The following TBPL1 variants were observed in gnomAD, a reference collection of about 807,000 sequenced individuals.
TBPL1 encodes TATA-box binding protein like 1, also known as TATA box-binding protein-like 1.
In TBPL1, 4 loss-of-function variants were observed where a neutral mutation model predicts 22.1. That is an observed-to-expected ratio of 0.18 (90% CI 0.09 to 0.41). TBPL1 has a LOEUF of 0.41. TBPL1 is among the 10% of genes least tolerant of loss of function. The pLI is 1.00. For missense variants in TBPL1, 115 were observed against 222.3 expected (o/e 0.52, Z 3.07); for synonymous variants, 64 against 71.0 (o/e 0.90, Z 0.50).
At chr6:133,964,782 A>C (rs1305885856) in intron 1 of TBPL1, among the ~76,000 whole-genome samples, 1 of 152,148 alleles carries the variant, frequency 6.6e-6, no homozygotes, top group Admixed American at 6.5e-5. Flanking sequence ...AACTAATTTC[A>C]TAATCTGACC....
intron 1 of TBPL1, among the ~76,000 whole-genome samples, chr6:133,969,470 A>C (rs1167344228): frequency 6.6e-6 from 1 of 152,206 alleles, no homozygotes; most frequent in East Asian, 1.9e-4. Flanking sequence ...AGTCATATGT[A>C]ATGAAGATAG....
upstream of TBPL1, chr6:133,952,808 G>A (rs536872115): frequency 6.6e-6 from 1 of 152,180 alleles, no homozygotes; most frequent in African/African-American, 2.4e-5. The surrounding 1 kb of genome is among the most constrained non-coding windows in gnomAD (Gnocchi z 4.5). Flanking sequence ...TGATGAGAAA[G>A]TTCTACGGTT....
intron 1 of TBPL1, among the ~76,000 whole-genome samples, chr6:133,959,641 C>G (rs970086189): frequency 1.3e-5 from 2 of 152,104 alleles, no homozygotes; most frequent in African/African-American, 2.4e-5. Flanking sequence ...ACCACCACAC[C>G]TGGCCATTTT....
At position 133,982,559 on chromosome 6, in the gene TBPL1, T is replaced by TTC; in HGVS notation, c.136-9_136-8insTC. The TTC allele has an allele frequency of 3.7e-6, 6 of 1,606,298 alleles. No homozygotes were observed. The highest frequency in any genetic ancestry group is 5.1e-6 in the Non-Finnish European group (6 of 1,177,520). ...GCTTATGAGGTAATCAGATTTTTTTTCCCCCCAGAAAGTATTAATGAAGCT... is the reference window on the plus strand; with the variant it reads ...GCTTATGAGGTAATCAGATTTTTTTTTCCCCCCCAGAAAGTATTAATGAAGCT... On this transcript the variant is annotated splice_polypyrimidine_tract_variant and intron_variant, in intron 2 of 6. Coordinates refer to ENST00000237264, the MANE Select transcript of TBPL1 (RefSeq NM_004865.4).
At chr6:133,984,267 G>A in intron 4 of TBPL1, 109 bp from the exon 5 acceptor site, 3 of 781,614 alleles carry the variant, frequency 3.8e-6, no homozygotes, top group Non-Finnish European at 6.2e-6. Context: ...CACTTAAAAT[G>A]TTTTTGTTTT....
At chr6:133,956,509 C>G (rs1775930042) in intron 1 of TBPL1, among the ~76,000 whole-genome samples, 1 of 152,146 alleles carries the variant, frequency 6.6e-6, no homozygotes, top group African/African-American at 2.4e-5. Flanking sequence ...GGTGAATGGA[C>G]TTCATCATGC....
At position 133,990,405 on chromosome 6, in the gene TBPL1, A is replaced by G. The variant is rs1159281799; in HGVS notation, c.*3365A>G. ...TAATGTTTTACTAACAGCTACTTCT[A>G]AATAAATATGGTCCCAGGATTTTAA... is the stretch of plus-strand genomic sequence containing the variant. On this transcript the variant is annotated 3_prime_UTR_variant, in exon 7 of 7. Transcript: ENST00000237264. 1 of 152,664 alleles carries G rather than the reference A, an allele frequency of 6.6e-6. No homozygotes were observed. Among genetic ancestry groups the G allele is most frequent in the Non-Finnish European group, 1.5e-5 (1 of 68,044 alleles). 9.5% of individuals were successfully genotyped at this position (152,664 alleles called of 1,614,324 possible). A position where few individuals can be genotyped will look rare whatever the true frequency, so the allele number is the denominator to read the frequency against.
intron 2 of TBPL1, among the ~76,000 whole-genome samples, chr6:133,981,972 C>T (rs774205189): frequency 6.6e-6 from 1 of 152,108 alleles, no homozygotes; most frequent in East Asian, 1.9e-4. Flanking sequence ...TTCAAGATGC[C>T]GATGTTGAAC....
intron 1 of TBPL1, among the ~76,000 whole-genome samples, chr6:133,978,198 C>T (rs1776348266): frequency 1.3e-5 from 2 of 152,108 alleles, no homozygotes. Flanking sequence ...TAACTGGGCT[C>T]TAATGTAATC....
At chr6:133,986,817 T>C (rs1768026437) in intron 6 of TBPL1, 144 bp from the exon 7 acceptor site, 1 of 526,802 alleles carries the variant, frequency 1.9e-6, no homozygotes, top group Non-Finnish European at 3.3e-6. Flanking sequence ...GCTATGTGTA[T>C]AATTATATGT....
intron 1 of TBPL1, among the ~76,000 whole-genome samples, chr6:133,963,595 A>AT (rs925437629): frequency 1.3e-5 from 2 of 151,940 alleles, no homozygotes; most frequent in African/African-American, 2.4e-5. Flanking sequence ...TAATTTTTGT[A>AT]TTTTTTTGTC....
At chr6:133,977,611 T>C (rs1006336130) in intron 1 of TBPL1, among the ~76,000 whole-genome samples, 5 of 152,204 alleles carry the variant, frequency 3.3e-5, no homozygotes, top group Admixed American at 2.6e-4. Context: ...AAGTTTCTTC[T>C]TCAGTAGTTG....
At chr6:133,979,499 A>G (rs572920141) in intron 1 of TBPL1, among the ~76,000 whole-genome samples, 2 of 152,316 alleles carry the variant, frequency 1.3e-5, no homozygotes, top group South Asian at 4.1e-4. Context: ...GTAGAGGTGA[A>G]TAGCAGGAGA....
intron 2 of TBPL1, among the ~76,000 whole-genome samples, chr6:133,981,448 A>G (rs1776411602): frequency 6.6e-6 from 1 of 152,224 alleles, no homozygotes; most frequent in Admixed American, 6.5e-5. Flanking sequence ...TTGGTACTTC[A>G]GCATGACATA....
chr6:133,980,095 TG>T lies in TBPL1; in HGVS notation c.-29del. 1 of 1,462,568 alleles carries T rather than the reference TG, an allele frequency of 6.8e-7. No homozygotes were observed. The highest frequency in any genetic ancestry group is 2.4e-5 in the Admixed American group (1 of 41,434). The allele number at this position is 1,462,568 out of a possible 1,614,324, so 90.6% of individuals were successfully genotyped here. A position where few individuals can be genotyped will look rare whatever the true frequency, so the allele number is the denominator to read the frequency against. ...TTTATTTCTCAGGATGTGATCTTCG[TG>T]GTGGAAAGCTAAATTTTAAAACCAC... On this transcript the variant is annotated 5_prime_UTR_variant, in exon 2 of 7. Coordinates refer to ENST00000237264, the MANE Select transcript of TBPL1 (RefSeq NM_004865.4).
intron 1 of TBPL1, among the ~76,000 whole-genome samples, chr6:133,964,264 A>T (rs1240706648): frequency 6.6e-6 from 1 of 152,116 alleles, no homozygotes; most frequent in Non-Finnish European, 1.5e-5. Flanking sequence ...TGAGTGACGC[A>T]CCCTTCAACC....
At chr6:133,985,276 TAAAA>T (rs1229100828) in intron 6 of TBPL1, among the ~76,000 whole-genome samples, 1 of 12,934 alleles carries the variant, frequency 7.7e-5, no homozygotes, top group Non-Finnish European at 1.2e-4. Context: ...AGACTCTGTC[TAAAA>T]AAAAAAAAAA....
chr6:133,957,597 A>G (rs1775948991), intron 1 of TBPL1, among the ~76,000 whole-genome samples: 2 of 152,264 alleles, frequency 1.3e-5, no homozygotes, highest in African/African-American at 2.4e-5. Context: ...AGTTTTGATC[A>G]GAATCAGTTA....
At chr6:133,965,337 A>G (rs1776100646) in intron 1 of TBPL1, among the ~76,000 whole-genome samples, 1 of 152,234 alleles carries the variant, frequency 6.6e-6, no homozygotes, top group Admixed American at 6.5e-5. Context: ...CAAATACCTT[A>G]CAATTTAAAT....
Sources: gnomAD v4.1 joint callset for allele counts (sites outside exome capture counted in the v4.1 genomes callset) on GRCh38, gnomAD v4.1.1 for gene constraint, Gnocchi (gnomAD v3.1) non-coding constraint, MANE v1.5 for transcripts, NCBI Gene and HGNC (gene_info 2026-07-23, HGNC 2026-07-21) for gene names.